Variants in HYCC1 observed in about 807,000 individuals in gnomAD.
HYCC1 encodes the protein hyccin PI4KA lipid kinase complex subunit 1.
At chr7:22,989,302 ACACACACACACAC>A in the HYCC1 span, among the ~76,000 whole-genome samples, 1 of 33,698 alleles carries the variant, frequency 3.0e-5, no homozygotes, top group African/African-American at 6.6e-5. Flanking sequence ...ACACACACAC[ACACACACACACAC>A]ACACACACAA....
the HYCC1 span, among the ~76,000 whole-genome samples, chr7:22,931,498 A>T: frequency 6.6e-6 from 1 of 152,290 alleles, no homozygotes. Context: ...TGTGGAAGGG[A>T]CTTTGGAATT....
the HYCC1 span, among the ~76,000 whole-genome samples, chr7:22,999,469 A>G: frequency 0.19 from 29,265 of 152,196 alleles, 3,400 homozygotes; most frequent in Non-Finnish European, 0.26. Context: ...AATTACCTCA[A>G]TCACATTCAT....
chr7:23,003,058 C>T, the HYCC1 span, among the ~76,000 whole-genome samples: 2 of 152,106 alleles, frequency 1.3e-5, no homozygotes, highest in African/African-American at 2.4e-5. Context: ...AACTTAACTG[C>T]CTCTCTAAAG....
the HYCC1 span, chr7:22,940,875 A>G: frequency 2.6e-5 from 4 of 151,444 alleles, no homozygotes; most frequent in Admixed American, 2.0e-4. Flanking sequence ...CTGGTCTCAA[A>G]TTCCTGGGCT....
At chr7:22,943,992 G>T in the HYCC1 span, 1 of 152,158 alleles carries the variant, frequency 6.6e-6, no homozygotes, top group African/African-American at 2.4e-5. Flanking sequence ...AGCCAAAGCA[G>T]TTGCAGTTAA....
chr7:22,903,863 C>A, the HYCC1 span, among the ~76,000 whole-genome samples: 118 of 152,232 alleles, frequency 7.8e-4, no homozygotes, highest in African/African-American at 2.7e-3. Flanking sequence ...GGTGGACAAC[C>A]ACTGGATAAA....
chr7:22,945,430 C>T, the HYCC1 span: 11 of 643,526 alleles, frequency 1.7e-5, no homozygotes, highest in South Asian at 1.8e-4. Context: ...CTTACTGCAA[C>T]CTAGACAATC....
the HYCC1 span, among the ~76,000 whole-genome samples, chr7:22,996,597 TAAAAAAAAAAA>T: frequency 0.012 from 1,317 of 106,534 alleles, 28 homozygotes; most frequent in Middle Eastern, 0.062. Context: ...GTACAATTGT[TAAAAAAAAAAA>T]AAAAAAAAAA....
At chr7:23,009,556 T>C in the HYCC1 span, among the ~76,000 whole-genome samples, 1 of 151,948 alleles carries the variant, frequency 6.6e-6, no homozygotes, top group South Asian at 2.1e-4. Flanking sequence ...CAGCCCCCTA[T>C]GAAAGCCAAG....
chr7:22,968,092 T>G, the HYCC1 span, among the ~76,000 whole-genome samples: 4 of 152,292 alleles, frequency 2.6e-5, no homozygotes, highest in Admixed American at 6.5e-5. Context: ...AATACATACA[T>G]ATAAGTCACA....
the HYCC1 span, chr7:22,964,482 T>C: frequency 6.2e-6 from 10 of 1,610,990 alleles, no homozygotes; most frequent in African/African-American, 2.7e-5. Flanking sequence ...CTGCTACTTA[T>C]ACCTTTATAT....
chr7:22,958,772 G>A, the HYCC1 span, among the ~76,000 whole-genome samples: 38 of 152,104 alleles, frequency 2.5e-4, no homozygotes, highest in Middle Eastern at 6.8e-3. Flanking sequence ...AAATACAAGG[G>A]AGCATCAATA....
the HYCC1 span, among the ~76,000 whole-genome samples, chr7:22,906,021 T>A: frequency 6.6e-6 from 1 of 152,200 alleles, no homozygotes; most frequent in Non-Finnish European, 1.5e-5. Context: ...CTGGAAAGAT[T>A]AGTAAGACTA....
the HYCC1 span, among the ~76,000 whole-genome samples, chr7:22,954,380 C>G: frequency 6.6e-6 from 1 of 151,020 alleles, no homozygotes; most frequent in Non-Finnish European, 1.5e-5. Flanking sequence ...TAAATGTTTT[C>G]CGATATGAAT....
the HYCC1 span, chr7:22,945,860 T>C: frequency 1.2e-6 from 2 of 1,613,804 alleles, no homozygotes; most frequent in Non-Finnish European, 1.7e-6. Flanking sequence ...AGGTAGGGAT[T>C]GGCTGGTTGT....
chr7:23,013,787 C>T, the HYCC1 span: 1 of 372,524 alleles, frequency 2.7e-6, no homozygotes, highest in Non-Finnish European at 5.5e-6. Context: ...CCGTTACCCC[C>T]AGTGGAGCCG....
the HYCC1 span, among the ~76,000 whole-genome samples, chr7:23,002,797 G>A: frequency 1.3e-5 from 2 of 152,136 alleles, no homozygotes; most frequent in Non-Finnish European, 2.9e-5. Context: ...CACAGACTGG[G>A]TGGCTTAAAC....
the HYCC1 span, among the ~76,000 whole-genome samples, chr7:22,995,513 T>C: frequency 6.6e-6 from 1 of 152,294 alleles, no homozygotes; most frequent in East Asian, 1.9e-4. Flanking sequence ...GGTTAGGGAC[T>C]CTTTATACTC....
chr7:22,955,474 C>G, the HYCC1 span, among the ~76,000 whole-genome samples: 5 of 151,574 alleles, frequency 3.3e-5, no homozygotes, highest in Non-Finnish European at 7.4e-5. Context: ...ACTGGATAAG[C>G]CTTTTGATTA....
Sources: gnomAD v4.1 joint callset for allele counts (sites outside exome capture counted in the v4.1 genomes callset) on GRCh38, gnomAD v4.1.1 for gene constraint, MANE v1.5 for transcripts, NCBI Gene and HGNC (gene_info 2026-07-23, HGNC 2026-07-21) for gene names.